Variants in SPATA17 observed in about 807,000 individuals in gnomAD.
The protein encoded by SPATA17 is spermatogenesis associated 17.
In SPATA17, 53 loss-of-function variants were observed where a neutral mutation model predicts 62.2. The observed-to-expected ratio is 0.85, with a 90% confidence interval of 0.68 to 1.07. The LOEUF is 1.07. Ranked by LOEUF, SPATA17 falls within the 50% of genes least tolerant of loss-of-function variation. The pLI is 0.00. For missense variants in SPATA17, 466 were observed against 425.5 expected (o/e 1.10, Z -0.84); for synonymous variants, 146 against 146.8 (o/e 0.99, Z 0.04).
intron 5 of SPATA17, among the ~76,000 whole-genome samples, chr1:217,716,107 A>T (rs886717564): frequency 1.3e-5 from 2 of 152,194 alleles, no homozygotes; most frequent in Admixed American, 1.3e-4. Flanking sequence ...TGGCAGAAAA[A>T]TATACAGAAC....
chr1:217,797,185 C>A (rs1398676699), intron 8 of SPATA17, among the ~76,000 whole-genome samples: 2 of 151,934 alleles, frequency 1.3e-5, no homozygotes, highest in East Asian at 3.9e-4. Context: ...AGATCAGGCA[C>A]GAACTGGTTA....
At chr1:217,862,685 C>T in intron 9 of SPATA17, 89 bp from the exon 10 acceptor site, 1 of 942,414 alleles carries the variant, frequency 1.1e-6, no homozygotes. Context: ...AGACATCTGT[C>T]TAGCAATTTA....
intron 9 of SPATA17, among the ~76,000 whole-genome samples, chr1:217,811,978 C>T (rs545169860): frequency 2.0e-5 from 3 of 152,198 alleles, no homozygotes; most frequent in East Asian, 1.9e-4. Context: ...AGAGACGTCA[C>T]GTTCAAAATG....
chr1:217,848,893 G>T (rs1394803760), intron 9 of SPATA17, among the ~76,000 whole-genome samples: 1 of 151,298 alleles, frequency 6.6e-6, no homozygotes, highest in African/African-American at 2.4e-5. Flanking sequence ...TTGTCCTTTT[G>T]TTTTACTTTC....
intron 5 of SPATA17, among the ~76,000 whole-genome samples, chr1:217,719,715 T>C (rs1005943091): frequency 6.6e-6 from 1 of 152,156 alleles, no homozygotes; most frequent in Non-Finnish European, 1.5e-5. Flanking sequence ...AGAATACAAA[T>C]ATAGTAAATA....
At chr1:217,703,608 T>A (rs1466812296) in intron 5 of SPATA17, among the ~76,000 whole-genome samples, 3 of 152,228 alleles carry the variant, frequency 2.0e-5, no homozygotes, top group African/African-American at 7.2e-5. Flanking sequence ...TTTATCACAA[T>A]GTATCTAAGA....
At chr1:217,817,356 A>C (rs563411610) in intron 9 of SPATA17, among the ~76,000 whole-genome samples, 1 of 152,206 alleles carries the variant, frequency 6.6e-6, no homozygotes, top group East Asian at 1.9e-4. Flanking sequence ...ACAAGTTCTC[A>C]TAAGATCTGA....
intron 9 of SPATA17, among the ~76,000 whole-genome samples, chr1:217,847,034 G>A (rs924686486): frequency 1.3e-5 from 2 of 151,916 alleles, no homozygotes; most frequent in Non-Finnish European, 2.9e-5. Flanking sequence ...TACATACACA[G>A]TTGAATTTCA....
Position 217,719,424 on chromosome 1 carries a change from A to T in SPATA17, c.396-22551A>T, listed in dbSNP as rs1440658411. ...ATTTGTATTTTAATTTAGTTGACAG[A>T]TAATTAAGAGTTACACCCAAACCTG... On this transcript the variant is annotated intron_variant, in intron 5 of 10. Transcript: ENST00000366933. Among the ~76,000 whole-genome samples, 3 of 152,178 alleles carry T rather than the reference A, an allele frequency of 2.0e-5. No homozygotes were observed. In the East Asian group the frequency reaches 5.8e-4, roughly 29 times the overall value.
At chr1:217,701,121 C>G (rs1007924092) in intron 5 of SPATA17, among the ~76,000 whole-genome samples, 1 of 150,302 alleles carries the variant, frequency 6.7e-6, no homozygotes, top group African/African-American at 2.4e-5. Context: ...ACTGTAGGCG[C>G]ACACCACCAC....
At chr1:217,648,749 T>C (rs1306760505) in intron 1 of SPATA17, 133 bp from the exon 2 acceptor site, 5 of 489,862 alleles carry the variant, frequency 1.0e-5, no homozygotes, top group Non-Finnish European at 1.8e-5. Flanking sequence ...ATTTATACTT[T>C]AATGTTATTT....
Position 217,704,283 on chromosome 1 carries a change from G to A in SPATA17, c.395+20922G>A, listed in dbSNP as rs369128971. On this transcript the variant is annotated intron_variant, in intron 5 of 10. Coordinates refer to ENST00000366933, the MANE Select transcript of SPATA17 (RefSeq NM_138796.4). ...TTTTGAGACGGAGTCTCGCTCTGTC[G>A]CCCAGGCCGGACTGCGGACTGCAGT... 8.0e-3 allele frequency among the ~76,000 whole-genome samples: 891 copies of A among 111,680 alleles called. 12 individuals carry two copies. The highest frequency in any genetic ancestry group is 0.029 in the African/African-American group (848 of 29,240). The allele number at this position is 111,680 out of a possible 152,430, so 73.3% of individuals were successfully genotyped here. A position where few individuals can be genotyped will look rare whatever the true frequency, so the allele number is the denominator to read the frequency against.
At chr1:217,636,531 G>C (rs567425077) in intron 1 of SPATA17, among the ~76,000 whole-genome samples, 22 of 152,230 alleles carry the variant, frequency 1.4e-4, no homozygotes, top group African/African-American at 5.1e-4. Flanking sequence ...TCCTGCTTCA[G>C]ACTCCTGAGT....
chr1:217,683,502 A>ATG, intron 5 of SPATA17, 141 bp downstream of exon 5: 1 of 563,742 alleles, frequency 1.8e-6, no homozygotes, highest in Non-Finnish European at 3.2e-6. Context: ...GCAGTGGCGC[A>ATG]ATCTCGGCTC....
chr1:217,693,403 T>C (rs1671385606), intron 5 of SPATA17, among the ~76,000 whole-genome samples: 1 of 122,482 alleles, frequency 8.2e-6, no homozygotes, highest in Non-Finnish European at 1.7e-5. Context: ...TTAGTCTTGC[T>C]AGCGGTCTAT....
intron 9 of SPATA17, among the ~76,000 whole-genome samples, chr1:217,857,529 G>T (rs543520597): frequency 6.6e-6 from 1 of 152,294 alleles, no homozygotes; most frequent in African/African-American, 2.4e-5. Context: ...TCTTGATGAG[G>T]TTATTTTTCA....
chr1:217,762,710 G>A (rs558835065), intron 6 of SPATA17, among the ~76,000 whole-genome samples: 7 of 152,260 alleles, frequency 4.6e-5, no homozygotes, highest in Admixed American at 1.3e-4. Flanking sequence ...AGTGGCTCTC[G>A]CCCGTAATCC....
At chr1:217,731,542 T>G (rs1672402686) in intron 5 of SPATA17, among the ~76,000 whole-genome samples, 4 of 152,202 alleles carry the variant, frequency 2.6e-5, no homozygotes, top group Admixed American at 2.6e-4. Context: ...CTAGCTCTCC[T>G]CATAAGTCTG....
At chr1:217,773,766 C>T (rs972213671) in intron 6 of SPATA17, among the ~76,000 whole-genome samples, 1 of 151,798 alleles carries the variant, frequency 6.6e-6, no homozygotes, top group African/African-American at 2.4e-5. Context: ...AGTATTATAG[C>T]CTATATTATA....
Sources: gnomAD v4.1 joint callset for allele counts (sites outside exome capture counted in the v4.1 genomes callset) on GRCh38, gnomAD v4.1.1 for gene constraint, MANE v1.5 for transcripts, NCBI Gene and HGNC (gene_info 2026-07-23, HGNC 2026-07-21) for gene names.